Variants in RALYL observed in about 807,000 individuals in gnomAD.
The protein encoded by RALYL is RALY RNA binding protein like.
RALYL carries 29 observed loss-of-function variants against 35.1 expected under a neutral mutation model. The observed-to-expected ratio is 0.83, with a 90% CI of 0.61 to 1.13. The LOEUF (loss-of-function observed/expected upper bound fraction) is 1.13, where lower values mean the gene tolerates loss of function less well. Ranked by LOEUF, RALYL falls within the 50% of genes most tolerant of loss-of-function variation. RALYL has a pLI of 0.00. For synonymous variants in RALYL, 120 were observed against 127.6 expected (o/e 0.94, Z 0.40); for missense variants, 359 against 360.4 (o/e 1.00, Z 0.03).
intron 1 of RALYL, among the ~76,000 whole-genome samples, chr8:84,449,811 G>A (rs1324683757): frequency 6.6e-6 from 1 of 151,912 alleles, no homozygotes; most frequent in Admixed American, 6.6e-5. Context: ...AATATGAGAA[G>A]GCACTAAGAT....
At chr8:84,679,688 C>A (rs746740063) in intron 2 of RALYL, 1 of 507,572 alleles carries the variant, frequency 2.0e-6, no homozygotes, top group Non-Finnish European at 4.0e-6. Flanking sequence ...AGAACTAATT[C>A]ATCAGTTGGA....
chr8:84,541,769 T>G (rs1207508436), intron 2 of RALYL, among the ~76,000 whole-genome samples: 1 of 152,120 alleles, frequency 6.6e-6, no homozygotes, highest in Admixed American at 6.6e-5. Context: ...TGGTGTATCT[T>G]CCTAATGTAG....
chr8:84,501,696 A>G (rs1482779700), intron 1 of RALYL, among the ~76,000 whole-genome samples: 1 of 151,738 alleles, frequency 6.6e-6, no homozygotes, highest in Non-Finnish European at 1.5e-5. Context: ...TTATAAATCT[A>G]CATTTATCTG....
intron 1 of RALYL, among the ~76,000 whole-genome samples, chr8:84,289,015 T>C (rs1209218558): frequency 1.3e-5 from 2 of 152,152 alleles, no homozygotes; most frequent in African/African-American, 2.4e-5. Context: ...GGGAAGACTT[T>C]TAAGCGCTGG....
intron 2 of RALYL, among the ~76,000 whole-genome samples, chr8:84,612,132 G>T (rs1428387635): frequency 6.6e-6 from 1 of 151,876 alleles, no homozygotes; most frequent in Non-Finnish European, 1.5e-5. Flanking sequence ...CTATGTAGAA[G>T]ATTTATATTT....
chr8:84,391,560 A>C (rs1860703130), intron 1 of RALYL, among the ~76,000 whole-genome samples: 1 of 152,040 alleles, frequency 6.6e-6, no homozygotes. Flanking sequence ...GTTCAATTAT[A>C]AGTGGTTACT....
chr8:84,614,271 G>C (rs1818946393), intron 2 of RALYL, among the ~76,000 whole-genome samples: 1 of 151,098 alleles, frequency 6.6e-6, no homozygotes, highest in Non-Finnish European at 1.5e-5. Flanking sequence ...TGTTGGTGTT[G>C]GAAGTAGTCT....
At chr8:84,759,033 C>A (rs1812079525) in intron 2 of RALYL, among the ~76,000 whole-genome samples, 1 of 152,100 alleles carries the variant, frequency 6.6e-6, no homozygotes, top group Admixed American at 6.5e-5. Context: ...TCCTGTATTC[C>A]TTTCCTTGTG....
At chr8:84,398,802 C>A (rs2042594896) in intron 1 of RALYL, among the ~76,000 whole-genome samples, 1 of 151,916 alleles carries the variant, frequency 6.6e-6, no homozygotes, top group Non-Finnish European at 1.5e-5. Flanking sequence ...GGTGAAACCC[C>A]ATCTCTACTA....
intron 8 of RALYL, among the ~76,000 whole-genome samples, chr8:84,918,416 C>T (rs927033753): frequency 3.3e-5 from 5 of 151,910 alleles, no homozygotes; most frequent in African/African-American, 7.2e-5. Flanking sequence ...CAGTCCCATC[C>T]GAGTAGATCT....
chr8:84,596,371 C>T lies in RALYL; in HGVS notation c.256+66794C>T, dbSNP rs577987635. ...TGAAAACCATATCCCTCTTCTGTGTCGCAAAGACTTATTATGCATGCTTCT... is the reference window on the plus strand; with the variant it reads ...TGAAAACCATATCCCTCTTCTGTGTTGCAAAGACTTATTATGCATGCTTCT... On this transcript the variant is annotated intron_variant, in intron 2 of 8. Transcript: ENST00000521268. 4.4e-4 allele frequency among the ~76,000 whole-genome samples: 67 copies of T among 152,210 alleles called. No homozygotes were observed. The South Asian group carries it at 0.013, about 29-fold the overall frequency.
chr8:84,307,808 G>T (rs577148776), intron 1 of RALYL, among the ~76,000 whole-genome samples: 8 of 152,254 alleles, frequency 5.3e-5, no homozygotes, highest in Non-Finnish European at 1.2e-4. Flanking sequence ...TATTTGCAGA[G>T]ATCAGAATGG....
At chr8:84,732,060 C>A (rs1424535053) in intron 2 of RALYL, among the ~76,000 whole-genome samples, 2 of 152,150 alleles carry the variant, frequency 1.3e-5, no homozygotes, top group East Asian at 3.9e-4. Context: ...CTTGATCCTG[C>A]AAACAGAGAA....
At chr8:84,449,830 A>AT (rs2049258278) in intron 1 of RALYL, among the ~76,000 whole-genome samples, 1 of 152,062 alleles carries the variant, frequency 6.6e-6, no homozygotes, top group Non-Finnish European at 1.5e-5. Flanking sequence ...ATGAGGTGAC[A>AT]TATGGTAGTA....
intron 1 of RALYL, among the ~76,000 whole-genome samples, chr8:84,412,506 A>C (rs1271751135): frequency 6.6e-6 from 1 of 151,872 alleles, no homozygotes. Context: ...TCTGGGTTTC[A>C]TTTGTATCAA....
At chr8:84,445,597 C>CA (rs755419781) in intron 1 of RALYL, among the ~76,000 whole-genome samples, 43 of 150,546 alleles carry the variant, frequency 2.9e-4, no homozygotes, top group South Asian at 1.9e-3. Flanking sequence ...TCCAGATAAA[C>CA]AAAAAAAAGA....
intron 1 of RALYL, among the ~76,000 whole-genome samples, chr8:84,514,763 C>A (rs1399440365): frequency 1.3e-5 from 2 of 152,120 alleles, no homozygotes; most frequent in South Asian, 2.1e-4. Flanking sequence ...GTGCCCTTAG[C>A]CCGAATTGTG....
chr8:84,403,525 T>G (rs1379789321), intron 1 of RALYL, among the ~76,000 whole-genome samples: 2 of 46,320 alleles, frequency 4.3e-5, no homozygotes, highest in African/African-American at 3.1e-4. Flanking sequence ...TATATCTCTG[T>G]TTTTTTTTTT....
intron 1 of RALYL, among the ~76,000 whole-genome samples, chr8:84,336,918 T>C (rs1157756280): frequency 1.3e-5 from 2 of 151,674 alleles, no homozygotes; most frequent in Non-Finnish European, 2.9e-5. Flanking sequence ...TAGACACTAG[T>C]TTGAACATTG....
Sources: gnomAD v4.1 joint callset for allele counts (sites outside exome capture counted in the v4.1 genomes callset) on GRCh38, gnomAD v4.1.1 for gene constraint, MANE v1.5 for transcripts, NCBI Gene and HGNC (gene_info 2026-07-23, HGNC 2026-07-21) for gene names.